Variants in PRELID2 observed in about 807,000 individuals in gnomAD.
PRELID2 encodes the protein PRELI domain containing 2, also known as PRELI domain-containing protein 2.
In PRELID2, 25 loss-of-function variants were observed where a neutral mutation model predicts 28.4. The observed-to-expected ratio is 0.88, with a 90% CI of 0.64 to 1.23. The LOEUF is 1.23. PRELID2 is among the 50% of genes most tolerant of loss of function. PRELID2 has a pLI of 0.00. For missense variants in PRELID2, 201 were observed against 214.4 expected (o/e 0.94, Z 0.39); for synonymous variants, 76 against 71.6 (o/e 1.06, Z -0.31).
intron 1 of PRELID2, among the ~76,000 whole-genome samples, chr5:145,510,475 T>C (rs1433708764): frequency 6.6e-6 from 1 of 152,218 alleles, no homozygotes. Context: ...GAGGCATTCT[T>C]GCCTGGATCT....
chr5:145,478,285 C>G (rs1277873222), intron 1 of PRELID2, among the ~76,000 whole-genome samples: 1 of 152,146 alleles, frequency 6.6e-6, no homozygotes, highest in Non-Finnish European at 1.5e-5. Context: ...CAGTGGCTCA[C>G]ACCTGTAATC....
intron 4 of PRELID2, among the ~76,000 whole-genome samples, chr5:145,811,024 C>T (rs187706037): frequency 1.6e-5 from 2 of 124,704 alleles, no homozygotes; most frequent in Admixed American, 1.1e-4. Context: ...TTCCACATGG[C>T]TGAGGAGGCC....
At chr5:145,407,655 C>T in the PRELID2 span, among the ~76,000 whole-genome samples, 1 of 152,184 alleles carries the variant, frequency 6.6e-6, no homozygotes, top group Non-Finnish European at 1.5e-5. Context: ...CCTGTAGCTG[C>T]TGCTCTCTTG....
chr5:145,389,948 G>C, the PRELID2 span, among the ~76,000 whole-genome samples: 5 of 152,168 alleles, frequency 3.3e-5, no homozygotes, highest in East Asian at 9.6e-4. Flanking sequence ...AAGTTATATA[G>C]TTTATTCAAA....
chr5:145,741,850 A>T (rs1581126705), intron 1 of PRELID2, among the ~76,000 whole-genome samples: 1 of 32,144 alleles, frequency 3.1e-5, no homozygotes, highest in East Asian at 3.2e-3. Flanking sequence ...TATATAAAAC[A>T]TTTTTATAAT....
At chr5:145,280,019 G>A in the PRELID2 span, among the ~76,000 whole-genome samples, 9 of 152,022 alleles carry the variant, frequency 5.9e-5, no homozygotes, top group East Asian at 3.9e-4. Flanking sequence ...CACGTTTTTC[G>A]TTAAGATACC....
intron 2 of PRELID2, among the ~76,000 whole-genome samples, chr5:145,820,298 T>A (rs775318497): frequency 2.6e-5 from 4 of 152,104 alleles, no homozygotes; most frequent in Admixed American, 6.5e-5. Flanking sequence ...TAACTCAAAA[T>A]TCAGTTTCCC....
chr5:145,654,615 A>T (rs1489437602), intron 1 of PRELID2, among the ~76,000 whole-genome samples: 2 of 152,246 alleles, frequency 1.3e-5, no homozygotes, highest in Admixed American at 1.3e-4. Flanking sequence ...AATAAATGTA[A>T]TCCAGCATAT....
intron 1 of PRELID2, among the ~76,000 whole-genome samples, chr5:145,516,187 G>C (rs10223137): frequency 0.32 from 48,654 of 151,744 alleles, 8,959 homozygotes; most frequent in East Asian, 0.9. Context: ...AATGGGAAGA[G>C]AGGAAGTCAA....
chr5:145,474,395 T>C (rs940530227), intron 1 of PRELID2, among the ~76,000 whole-genome samples: 2 of 152,160 alleles, frequency 1.3e-5, no homozygotes. Flanking sequence ...TGAAACTGAA[T>C]CTTCTTTTCC....
At chr5:145,767,004 G>A (rs582130) in intron 5 of PRELID2, among the ~76,000 whole-genome samples, 117,637 of 151,970 alleles carry the variant, frequency 0.77, 47,147 homozygotes, top group East Asian at 0.96. Context: ...AAAATACTGG[G>A]TAGAAAAGGG....
intron 1 of PRELID2, among the ~76,000 whole-genome samples, chr5:145,604,182 T>C (rs767628171): frequency 3.3e-5 from 5 of 152,134 alleles, no homozygotes; most frequent in Non-Finnish European, 7.4e-5. Flanking sequence ...GATGTACAGA[T>C]TATTTTATCA....
At chr5:145,402,423 T>C in the PRELID2 span, among the ~76,000 whole-genome samples, 1 of 152,162 alleles carries the variant, frequency 6.6e-6, no homozygotes, top group Non-Finnish European at 1.5e-5. Flanking sequence ...CATGTGCCCT[T>C]GGATTTAGGG....
chr5:145,503,026 C>T (rs923543891), intron 1 of PRELID2, among the ~76,000 whole-genome samples: 1 of 152,076 alleles, frequency 6.6e-6, no homozygotes, highest in African/African-American at 2.4e-5. Flanking sequence ...AATTTCCTTG[C>T]CTCTGGCAGT....
At chr5:145,775,555 T>G (rs925351918) in intron 5 of PRELID2, among the ~76,000 whole-genome samples, 1 of 152,354 alleles carries the variant, frequency 6.6e-6, no homozygotes, top group Admixed American at 6.5e-5. Flanking sequence ...AGCTCCCTTG[T>G]GCACTCTGGA....
At chr5:145,571,962 A>G (rs1358487126) in intron 1 of PRELID2, among the ~76,000 whole-genome samples, 1 of 151,376 alleles carries the variant, frequency 6.6e-6, no homozygotes, top group African/African-American at 2.4e-5. Context: ...AGCCTGGGCA[A>G]CAGAGTGAGA....
intron 1 of PRELID2, among the ~76,000 whole-genome samples, chr5:145,578,476 T>G (rs138683079): frequency 2.0e-5 from 3 of 152,132 alleles, no homozygotes; most frequent in African/African-American, 7.2e-5. Flanking sequence ...AATATGGCCA[T>G]TTTTGGAGAA....
the PRELID2 span, among the ~76,000 whole-genome samples, chr5:145,416,251 TA>T: frequency 4.6e-5 from 7 of 151,946 alleles, no homozygotes; most frequent in Admixed American, 1.3e-4. Context: ...CCTTACACCT[TA>T]TACAAAAATT....
chr5:145,250,524 A>G, the PRELID2 span, among the ~76,000 whole-genome samples: 1 of 152,158 alleles, frequency 6.6e-6, no homozygotes, highest in Admixed American at 6.6e-5. Context: ...TAGGAAGTTA[A>G]GAATATTGAT....
Sources: allele counts gnomAD v4.1 joint callset (sites outside exome capture counted in the v4.1 genomes callset), GRCh38; gene constraint gnomAD v4.1.1; transcripts MANE v1.5; gene names NCBI Gene and HGNC (gene_info 2026-07-23, HGNC 2026-07-21).